The following SEL1L variants were observed in gnomAD, a reference collection of about 807,000 sequenced individuals.
SEL1L encodes the protein SEL1L adaptor subunit of SYVN1 ubiquitin ligase.
Under a neutral mutation model 109.8 loss-of-function variants are expected in SEL1L, and 52 were observed. The ratio of observed to expected loss-of-function variants is 0.47; its 90% confidence interval spans 0.38 to 0.60. SEL1L has a LOEUF of 0.60. Ranked by LOEUF, SEL1L falls within the 20% of genes least tolerant of loss-of-function variation. The pLI, the probability that SEL1L is intolerant of heterozygous loss-of-function variation, is 0.00. For missense variants in SEL1L, 749 were observed against 962.2 expected (o/e 0.78, Z 2.93); for synonymous variants, 373 against 339.6 (o/e 1.10, Z -1.08).
chr14:81,497,682 C>T (rs1463817925), intron 10 of SEL1L, among the ~76,000 whole-genome samples: 3 of 151,860 alleles, frequency 2.0e-5, no homozygotes, highest in Admixed American at 2.0e-4. Context: ...AATGCCTAGG[C>T]CCCATCCCAC....
chr14:81,504,174 A>G, intron 5 of SEL1L, 27 bp downstream of exon 5: 1 of 1,405,216 alleles, frequency 7.1e-7, no homozygotes, highest in Non-Finnish European at 9.7e-7. Context: ...GTCATGGGGG[A>G]AAAGTGGACT....
rs1364466918 is a variant in SEL1L at position 81,495,093 on chromosome 14, T to C, written c.1173A>G (p.Glu391=). Residue 391 remains glutamate, a synonymous_variant, in exon 11 of 21, where the codon GAA becomes GAG. Coordinates refer to ENST00000336735, the MANE Select transcript of SEL1L (RefSeq NM_005065.6). ...QLHLHGGRGV[E]QNHQRAFDYF... ...ACAGGGTAGTTACCTGATGATTCTG[T>C]TCTACTCCACGCCCTCCGTGCAGGT... The C allele has an allele frequency of 6.2e-7, 1 of 1,614,034 alleles. No individual in the cohort carries two copies. The highest frequency in any genetic ancestry group is 1.7e-5 in the Admixed American group (1 of 59,998).
chr14:81,513,837 G>A (rs926955026), intron 3 of SEL1L, among the ~76,000 whole-genome samples: 1 of 152,148 alleles, frequency 6.6e-6, no homozygotes, highest in African/African-American at 2.4e-5. Context: ...CTGAGCCAAG[G>A]GTGGACAGAG....
intron 10 of SEL1L, among the ~76,000 whole-genome samples, chr14:81,496,569 T>C (rs958167931): frequency 2.0e-5 from 3 of 151,970 alleles, no homozygotes; most frequent in African/African-American, 4.8e-5. Flanking sequence ...TGAAACTCCA[T>C]CTCCACTAAA....
At chr14:81,525,662 G>A (rs1885082870) in intron 3 of SEL1L, among the ~76,000 whole-genome samples, 1 of 151,982 alleles carries the variant, frequency 6.6e-6, no homozygotes, top group African/African-American at 2.4e-5. Context: ...TTCACAGATA[G>A]GCACAAAGAT....
chr14:81,502,569 T>C (rs1368910426), intron 6 of SEL1L, 152 bp downstream of exon 6: 8 of 720,618 alleles, frequency 1.1e-5, no homozygotes, highest in African/African-American at 1.8e-5. Context: ...GGAAAAAGAC[T>C]ATCCAAGAAG....
intron 3 of SEL1L, among the ~76,000 whole-genome samples, chr14:81,522,464 T>C (rs1254562948): frequency 3.3e-5 from 5 of 152,208 alleles, no homozygotes; most frequent in Admixed American, 6.5e-5. Context: ...ATACACATAA[T>C]TACCACTGTG....
intron 3 of SEL1L, among the ~76,000 whole-genome samples, chr14:81,516,291 C>T (rs1348006581): frequency 3.9e-5 from 6 of 152,170 alleles, no homozygotes; most frequent in Non-Finnish European, 8.8e-5. Context: ...CAGTGTTAAC[C>T]TCCTGTCCCA....
rs1176178352 is a variant in SEL1L at position 81,473,743 on chromosome 14, T to TA, written c.*3228dup. 1 of 152,164 alleles carries TA rather than the reference T, an allele frequency of 6.6e-6. No homozygotes were observed. The highest frequency in any genetic ancestry group is 1.5e-5 in the Non-Finnish European group (1 of 68,012). 9.4% of individuals were successfully genotyped at this position (152,164 alleles called of 1,614,324 possible). On this transcript the variant is annotated 3_prime_UTR_variant, in exon 21 of 21. Coordinates refer to ENST00000336735, the MANE Select transcript of SEL1L (RefSeq NM_005065.6). ...TAAAGGAAGTTTTTGCGTATGTAGTTAGACATTAATACACATGCTATACAC... is the reference window on the plus strand; with the variant it reads ...TAAAGGAAGTTTTTGCGTATGTAGTTAAGACATTAATACACATGCTATACAC...
chr14:81,479,806 T>C (rs1903289825), intron 19 of SEL1L, 66 bp from the exon 20 acceptor site: 2 of 1,355,046 alleles, frequency 1.5e-6, no homozygotes, highest in South Asian at 3.1e-5. Flanking sequence ...TTAGTGAACA[T>C]ATTAGACGAA....
chr14:81,525,420 T>TAAAAAAAAAAA (rs376907456), intron 3 of SEL1L, among the ~76,000 whole-genome samples: 1 of 75,412 alleles, frequency 1.3e-5, no homozygotes, highest in African/African-American at 4.5e-5. Context: ...ATATAAAAAC[T>TAAAAAAAAAAA]AAAAAAAAAA....
rs1238597048 is a variant in SEL1L, at chr14:81,480,077, C to T, written c.2047-337G>A. The stretch of plus-strand genomic sequence containing the variant: ...TGAAACTCACACTAATTTTTTGCTA[C>T]TTAAAACTTCAATCAGTATTAGCAA... On this transcript the variant is annotated intron_variant, in intron 19 of 20. Coordinates refer to ENST00000336735, the MANE Select transcript of SEL1L (RefSeq NM_005065.6). Among the ~76,000 whole-genome samples the T allele has an allele frequency of 3.9e-5, 6 of 152,198 alleles. No individual in the cohort carries two copies. The East Asian group carries it at 7.7e-4, about 20-fold the overall frequency.
Position 81,518,700 on chromosome 14 carries a change from T to TCAATA in SEL1L, c.340+8032_340+8033insTATTG, listed in dbSNP as rs1566624623. ...AAAAAAGGTAAAAAGATTAGAAAGG[T>TCAATA]TAAAACTTAGGGAGGAAGCCTATTG... On this transcript the variant is annotated intron_variant, in intron 3 of 20. Transcript: ENST00000336735. 2.4e-3 allele frequency among the ~76,000 whole-genome samples: 357 copies of TCAATA among 146,424 alleles called. 7 individuals are homozygous for TCAATA. Among genetic ancestry groups the TCAATA allele is most frequent in the African/African-American group, 9.0e-3 (337 of 37,372 alleles).
intron 6 of SEL1L, among the ~76,000 whole-genome samples, chr14:81,501,403 T>A (rs745680134): frequency 6.6e-6 from 1 of 152,164 alleles, no homozygotes; most frequent in Admixed American, 6.5e-5. Context: ...AAAACCGTTC[T>A]TCAGAGCAGA....
intron 3 of SEL1L, among the ~76,000 whole-genome samples, chr14:81,512,825 T>C (rs755105926): frequency 6.6e-6 from 1 of 152,244 alleles, no homozygotes; most frequent in Non-Finnish European, 1.5e-5. Context: ...GTTTTAATTA[T>C]TCATTCATGA....
chr14:81,491,547 C>G (rs1883536967), intron 12 of SEL1L, among the ~76,000 whole-genome samples: 1 of 152,130 alleles, frequency 6.6e-6, no homozygotes, highest in Non-Finnish European at 1.5e-5. Context: ...TACCACACCC[C>G]AATTACTAGT....
chr14:81,512,169 C>CT (rs139035844), intron 3 of SEL1L, among the ~76,000 whole-genome samples: 8,967 of 152,178 alleles, frequency 0.059, 887 homozygotes, highest in African/African-American at 0.21. Context: ...AATTGGTGGA[C>CT]TTTGAGTAAA....
chr14:81,523,759 C>T (rs959523857), intron 3 of SEL1L, among the ~76,000 whole-genome samples: 3 of 151,956 alleles, frequency 2.0e-5, no homozygotes, highest in African/African-American at 4.8e-5. Context: ...ATTAAATCAG[C>T]AGACATCCTG....
At chr14:81,489,448 A>C (rs560325689) in intron 13 of SEL1L, 134 bp from the exon 14 acceptor site, 14 of 708,666 alleles carry the variant, frequency 2.0e-5, no homozygotes, top group Non-Finnish European at 3.1e-5. Flanking sequence ...TCAAAACAAA[A>C]CTTTCTTCTT....
Sources: allele counts gnomAD v4.1 joint callset (sites outside exome capture counted in the v4.1 genomes callset), GRCh38; gene constraint gnomAD v4.1.1; transcripts MANE v1.5; gene names NCBI Gene and HGNC (gene_info 2026-07-23, HGNC 2026-07-21).